The following CCDC102B variants were observed in gnomAD, a reference collection of about 807,000 sequenced individuals.
The protein encoded by CCDC102B is coiled-coil domain containing 102B.
In CCDC102B, 75 loss-of-function variants were observed where a neutral mutation model predicts 57.4. The observed-to-expected ratio is 1.31, with a 90% CI of 1.08 to 1.58. The LOEUF is 1.58. Ranked by LOEUF, CCDC102B falls within the 40% of genes most tolerant of loss-of-function variation. The pLI is 0.00. For missense variants in CCDC102B, 636 were observed against 582.6 expected, an observed-to-expected ratio of 1.09 and a Z score of -0.94; for synonymous variants, 206 against 201.9, an observed-to-expected ratio of 1.02 and a Z score of -0.17.
At chr18:68,825,689 A>T (rs767460789) in intron 1 of CCDC102B, among the ~76,000 whole-genome samples, 8 of 152,156 alleles carry the variant, frequency 5.3e-5, no homozygotes, top group Non-Finnish European at 7.4e-5. Context: ...GACTCAAAAA[A>T]TAATAATGAT....
At chr18:68,781,050 A>G (rs2034990909) in intron 2 of CCDC102B, among the ~76,000 whole-genome samples, 1 of 152,130 alleles carries the variant, frequency 6.6e-6, no homozygotes, top group Non-Finnish European at 1.5e-5. Flanking sequence ...AATTAAGCAT[A>G]GATAAGCATA....
intron 2 of CCDC102B, among the ~76,000 whole-genome samples, chr18:68,743,379 G>C (rs1019790964): frequency 6.6e-6 from 1 of 152,106 alleles, no homozygotes; most frequent in Middle Eastern, 3.2e-3. Flanking sequence ...CTGCACTCCA[G>C]ACTGGGTGAG....
At chr18:68,998,989 TATATATATATAGAGAGAGAGAG>T (rs1299172873) in intron 6 of CCDC102B, among the ~76,000 whole-genome samples, 2,877 of 75,006 alleles carry the variant, frequency 0.038, 25 homozygotes, top group Middle Eastern at 0.086. Context: ...TATATATATA[TATATATATATAGAGAGAGAGAG>T]AGAGAGAGAG....
At chr18:68,996,985 A>G (rs1433543667) in intron 6 of CCDC102B, among the ~76,000 whole-genome samples, 1 of 152,082 alleles carries the variant, frequency 6.6e-6, no homozygotes, top group African/African-American at 2.4e-5. Flanking sequence ...TATGGGGGTG[A>G]TTTCCCTCAT....
chr18:68,761,141 A>C (rs1156875354), intron 2 of CCDC102B, among the ~76,000 whole-genome samples: 1 of 152,068 alleles, frequency 6.6e-6, no homozygotes, highest in East Asian at 1.9e-4. Context: ...ATCAATTTTC[A>C]GCCTTAATTT....
intron 2 of CCDC102B, among the ~76,000 whole-genome samples, chr18:68,765,320 G>GA (rs1568238728): frequency 2.5e-5 from 1 of 40,618 alleles, no homozygotes; most frequent in African/African-American, 7.7e-5. Flanking sequence ...AAGGAAGGAA[G>GA]GAAGGAAAGA....
rs552554313 is a variant in CCDC102B, at chr18:69,035,197, T to C, written c.1435-18833T>C. Among the ~76,000 whole-genome samples the C allele has an allele frequency of 5.3e-5, 8 of 152,186 alleles. No homozygotes were observed. In the South Asian group the frequency reaches 1.7e-3, roughly 32 times the overall value. ...TTTATAGATCTCAAAGTTCAATAAA[T>C]GATTTTAGCAATTCATTTATCCAAC... On this transcript the variant is annotated intron_variant, in intron 7 of 7. Transcript: ENST00000360242.
At chr18:68,840,123 A>C (rs1174731599) in intron 3 of CCDC102B, among the ~76,000 whole-genome samples, 1 of 152,220 alleles carries the variant, frequency 6.6e-6, no homozygotes, top group African/African-American at 2.4e-5. Flanking sequence ...TATTAGCACA[A>C]TGTGGAATAT....
At chr18:68,814,339 T>C (rs1437223075) in intron 1 of CCDC102B, among the ~76,000 whole-genome samples, 2 of 152,182 alleles carry the variant, frequency 1.3e-5, no homozygotes, top group African/African-American at 4.8e-5. Flanking sequence ...GAAATATTTA[T>C]TCAATTTAGA....
Position 69,039,820 on chromosome 18 carries a change from TTTACAGGAAA to T in CCDC102B, c.1435-14196_1435-14187del, listed in dbSNP as rs565588706. Among the ~76,000 whole-genome samples, 365 of 151,680 alleles carry T rather than the reference TTTACAGGAAA, an allele frequency of 2.4e-3. 1 individual carries two copies. Among genetic ancestry groups the T allele is most frequent in the African/African-American group, 8.4e-3 (348 of 41,200 alleles). On this transcript the variant is annotated intron_variant, in intron 7 of 7. Transcript: ENST00000360242. Reference sequence around the variant, plus strand: ...CTTTGAGAATTCACATTTAGAGGAATTTACAGGAAATTACAGGAAATTAGAGGAAATTAGA... The same window carrying T: ...CTTTGAGAATTCACATTTAGAGGAATTTACAGGAAATTAGAGGAAATTAGA...
intron 2 of CCDC102B, among the ~76,000 whole-genome samples, chr18:68,780,103 T>G (rs548324070): frequency 6.6e-6 from 1 of 152,282 alleles, no homozygotes; most frequent in Non-Finnish European, 1.5e-5. Context: ...TCTATATAAA[T>G]GAATTATACA....
chr18:68,903,106 T>C (rs1318976267), intron 6 of CCDC102B, among the ~76,000 whole-genome samples: 3 of 152,132 alleles, frequency 2.0e-5, no homozygotes, highest in African/African-American at 7.2e-5. Context: ...GAAGCTAGGC[T>C]CTAGAAGTCA....
At chr18:69,005,517 A>G (rs891944092) in intron 6 of CCDC102B, among the ~76,000 whole-genome samples, 1 of 152,050 alleles carries the variant, frequency 6.6e-6, no homozygotes, top group South Asian at 2.1e-4. Flanking sequence ...TTTTCCTTCT[A>G]TTAGATACAT....
At chr18:68,732,492 C>CTT (rs2032924475) in intron 2 of CCDC102B, among the ~76,000 whole-genome samples, 4 of 151,776 alleles carry the variant, frequency 2.6e-5, no homozygotes, top group Admixed American at 6.6e-5. Flanking sequence ...TTACAGGCAC[C>CTT]CACCATCATG....
At chr18:68,927,192 T>C (rs775837210) in intron 6 of CCDC102B, among the ~76,000 whole-genome samples, 47 of 152,042 alleles carry the variant, frequency 3.1e-4, no homozygotes, top group Non-Finnish European at 5.7e-4. Flanking sequence ...AATCTGGAAA[T>C]AATTTTTAAC....
intron 7 of CCDC102B, among the ~76,000 whole-genome samples, chr18:69,028,555 A>G (rs936966930): frequency 6.6e-6 from 1 of 152,132 alleles, no homozygotes; most frequent in African/African-American, 2.4e-5. Context: ...GTCCATTTCC[A>G]CTGGGCCTGG....
At chr18:68,907,335 A>AT (rs781410037) in intron 6 of CCDC102B, among the ~76,000 whole-genome samples, 2 of 151,464 alleles carry the variant, frequency 1.3e-5, no homozygotes, top group African/African-American at 4.9e-5. Context: ...ATTTTTGCAA[A>AT]TAAAAAAAAA....
At chr18:68,906,251 C>T (rs2040638116) in intron 6 of CCDC102B, among the ~76,000 whole-genome samples, 1 of 152,082 alleles carries the variant, frequency 6.6e-6, no homozygotes, top group Non-Finnish European at 1.5e-5. Flanking sequence ...TCGTTTCTAC[C>T]TCTAGCTCTT....
At chr18:68,764,575 G>A (rs987087020) in intron 2 of CCDC102B, among the ~76,000 whole-genome samples, 8 of 152,064 alleles carry the variant, frequency 5.3e-5, no homozygotes, top group Admixed American at 1.3e-4. Context: ...GGGATGTGAG[G>A]CACCACCAGG....
Sources: gnomAD v4.1 joint callset for allele counts (sites outside exome capture counted in the v4.1 genomes callset) on GRCh38, gnomAD v4.1.1 for gene constraint, MANE v1.5 for transcripts, NCBI Gene and HGNC (gene_info 2026-07-23, HGNC 2026-07-21) for gene names.